The following ABCA13 variants were observed in gnomAD, a reference collection of about 807,000 sequenced individuals.
The protein encoded by ABCA13 is ATP-binding cassette sub-family A member 13.
Under a neutral mutation model 478.7 loss-of-function variants are expected in ABCA13, and 476 were observed. The observed-to-expected ratio is 0.99, with a 90% CI of 0.92 to 1.07. The LOEUF (loss-of-function observed/expected upper bound fraction) is 1.07. Among genes scored for constraint, ABCA13 ranks in the 50% least tolerant of loss-of-function variants. The pLI is 0.00. For missense variants in ABCA13, 6,060 were observed against 5,910.6 expected, an observed-to-expected ratio of 1.03 and a Z score of -0.83; for synonymous variants, 2,252 against 2,158.9, an observed-to-expected ratio of 1.04 and a Z score of -1.20.
chr7:48,424,867 T>C (rs563605856), intron 41 of ABCA13, among the ~76,000 whole-genome samples: 54 of 152,218 alleles, frequency 3.5e-4, no homozygotes, highest in African/African-American at 1.3e-3. Context: ...TTGAAAAGAG[T>C]AACCTTTATT....
At chr7:48,415,521 T>TA in intron 41 of ABCA13, among the ~76,000 whole-genome samples, 1 of 152,306 alleles carries the variant, frequency 6.6e-6, no homozygotes, top group East Asian at 1.9e-4. Flanking sequence ...CAAGCACACT[T>TA]ATCAGTGAAA....
chr7:48,181,993 T>C (rs1332708554), intron 1 of ABCA13, among the ~76,000 whole-genome samples: 4 of 152,104 alleles, frequency 2.6e-5, no homozygotes, highest in Non-Finnish European at 5.9e-5. Flanking sequence ...CTTGGCCAAC[T>C]CCAGGGTCCC....
At chr7:48,463,367 G>A (rs2130040440) in intron 43 of ABCA13, among the ~76,000 whole-genome samples, 1 of 152,248 alleles carries the variant, frequency 6.6e-6, no homozygotes, top group African/African-American at 2.4e-5. Context: ...TCAGGGAGGT[G>A]GGGACCTTTG....
chr7:48,200,975 CAAAGGAAATAGAAAG>C (rs1180250610), intron 3 of ABCA13, among the ~76,000 whole-genome samples: 3 of 142,348 alleles, frequency 2.1e-5, no homozygotes, highest in Non-Finnish European at 4.7e-5. Flanking sequence ...CCAGCGGAGA[CAAAGGAAATAGAAAG>C]AGAATAAGAG....
chr7:48,279,766 G>A lies in ABCA13; in HGVS notation c.8572G>A (p.Gly2858Arg), dbSNP rs758362582. The A allele has an allele frequency of 8.7e-6, 14 of 1,610,282 alleles. No homozygotes were observed. Among genetic ancestry groups the A allele is most frequent in the Middle Eastern group, 1.7e-4 (1 of 6,058 alleles). Residue 2858 changes from glycine (G) to arginine (R), a missense_variant, in exon 18 of 62, where the codon GGA (glycine) becomes AGA (arginine). Gly to Arg is a moderately radical substitution (Grantham distance 125). Coordinates refer to ENST00000435803, the MANE Select transcript of ABCA13 (RefSeq NM_152701.5). ...TGAGATTTTCATTAAAGCAACCACC[G>A]GAAAGAATGTCACATCAGAAAAAGA... is the stretch of plus-strand genomic sequence containing the variant. The part of the protein sequence containing the change: ...LFEIFIKATT[G>R]KNVTSEKEER...
intron 52 of ABCA13, among the ~76,000 whole-genome samples, chr7:48,518,443 C>A (rs1832293382): frequency 6.6e-6 from 1 of 152,132 alleles, no homozygotes; most frequent in Admixed American, 6.5e-5. Flanking sequence ...GACCAGGAAC[C>A]TTTCCACTCA....
Position 48,279,501 on chromosome 7 carries a change from T to A in ABCA13, c.8307T>A (p.Asn2769Lys). 6.2e-7 allele frequency: 1 copy of A among 1,613,254 alleles called. No homozygotes were observed. Among genetic ancestry groups the A allele is most frequent in the South Asian group, 1.1e-5 (1 of 90,966 alleles). Residue 2769 changes from asparagine (N) to lysine (K), a missense_variant, in exon 18 of 62, where the codon AAT (asparagine) becomes AAA (lysine). Physicochemically the swap from Asn to Lys is moderately conservative, Grantham distance 94. This residue lies in a region of ABCA13 where 4,423 missense variants were observed against 4,309.1 expected (regional missense o/e 1.03). Transcript: ENST00000435803. ...NVLMTFTQHPNNLLKTIETVL... is the reference protein window; with the variant it reads ...NVLMTFTQHPKNLLKTIETVL... ...TGATGACATTTACTCAGCATCCAAATAACCTTTTGAAAACCATAGAAACAG... is the reference window on the plus strand; with the variant it reads ...TGATGACATTTACTCAGCATCCAAAAAACCTTTTGAAAACCATAGAAACAG...
chr7:48,280,999 A>G (rs1247389847), intron 18 of ABCA13, among the ~76,000 whole-genome samples: 1 of 152,136 alleles, frequency 6.6e-6, no homozygotes, highest in African/African-American at 2.4e-5. Flanking sequence ...TCAGTTCTCC[A>G]CAGAGGGAGT....
At chr7:48,465,479 A>C (rs1826767657) in intron 43 of ABCA13, among the ~76,000 whole-genome samples, 1 of 150,954 alleles carries the variant, frequency 6.6e-6, no homozygotes, top group South Asian at 2.1e-4. Context: ...AATTAGAGAA[A>C]TCAGTGGTTA....
chr7:48,359,136 C>T (rs372358317), intron 31 of ABCA13, among the ~76,000 whole-genome samples: 1 of 151,884 alleles, frequency 6.6e-6, no homozygotes, highest in Admixed American at 6.6e-5. Context: ...GCTTGTAGTG[C>T]GCAGTGAATT....
At chr7:48,626,552 A>G in intron 59 of ABCA13, 1 of 931,262 alleles carries the variant, frequency 1.1e-6, no homozygotes, top group Non-Finnish European at 1.3e-6. Context: ...AAGCAAAAAG[A>G]AACAGGAGAA....
At chr7:48,309,055 A>C (rs1801349900) in intron 23 of ABCA13, among the ~76,000 whole-genome samples, 1 of 150,228 alleles carries the variant, frequency 6.7e-6, no homozygotes, top group Non-Finnish European at 1.5e-5. Context: ...ACACACACAC[A>C]CACACACACA....
At chr7:48,320,682 T>G (rs1394151118) in intron 27 of ABCA13, among the ~76,000 whole-genome samples, 5 of 152,188 alleles carry the variant, frequency 3.3e-5, no homozygotes. Context: ...TATATTGTTT[T>G]CCCAAGAATA....
chr7:48,450,939 A>G lies in ABCA13; in HGVS notation c.12566-4098A>G, dbSNP rs563408555. On this transcript the variant is annotated intron_variant, in intron 42 of 61. Coordinates refer to ENST00000435803, the MANE Select transcript of ABCA13 (RefSeq NM_152701.5). The stretch of plus-strand genomic sequence containing the variant: ...TTTGTTCAGTTAATACCTACACATT[A>G]AATACTTGTTTCTTGCCTCTTGTTA... 4.6e-5 allele frequency among the ~76,000 whole-genome samples: 7 copies of G among 151,014 alleles called. No homozygotes were observed. In the South Asian group the frequency reaches 1.5e-3, roughly 32 times the overall value.
intron 59 of ABCA13, among the ~76,000 whole-genome samples, chr7:48,633,488 A>C (rs1275329258): frequency 6.6e-6 from 1 of 152,188 alleles, no homozygotes; most frequent in Non-Finnish European, 1.5e-5. Context: ...TCATCTGCTC[A>C]TGAAACATAC....
intron 58 of ABCA13, among the ~76,000 whole-genome samples, chr7:48,595,321 CA>C (rs754119552): frequency 6.6e-6 from 1 of 152,176 alleles, no homozygotes; most frequent in Non-Finnish European, 1.5e-5. Flanking sequence ...TTCTAGCCCA[CA>C]AAGAATTACA....
chr7:48,622,091 C>T (rs1793194714), intron 59 of ABCA13, among the ~76,000 whole-genome samples: 1 of 152,120 alleles, frequency 6.6e-6, no homozygotes, highest in Admixed American at 6.5e-5. Flanking sequence ...CCTTATGACC[C>T]TCTGGCCTAT....
intron 59 of ABCA13, among the ~76,000 whole-genome samples, chr7:48,626,050 G>C (rs890416808): frequency 4.6e-5 from 7 of 152,158 alleles, no homozygotes; most frequent in Non-Finnish European, 1.0e-4. Flanking sequence ...TAAGAGACTG[G>C]TGAACGAAAT....
chr7:48,582,529 G>A (rs1788803236), intron 56 of ABCA13, among the ~76,000 whole-genome samples: 1 of 152,072 alleles, frequency 6.6e-6, no homozygotes, highest in South Asian at 2.1e-4. Context: ...TTTTCTTCAG[G>A]CTGCCATCTA....
Sources: allele counts gnomAD v4.1 joint callset (sites outside exome capture counted in the v4.1 genomes callset), GRCh38; gene constraint gnomAD v4.1.1; regional missense constraint gnomAD v4.1.1; transcripts MANE v1.5; gene names NCBI Gene and HGNC (gene_info 2026-07-23, HGNC 2026-07-21).